ZDHHC11: variants seen among roughly 807,000 people sequenced by gnomAD.
ZDHHC11 encodes zDHHC palmitoyltransferase 11, also known as palmitoyltransferase ZDHHC11.
A neutral mutation model predicts 51.3 loss-of-function variants in ZDHHC11; 44 were observed. The ratio of observed to expected loss-of-function variants is 0.86; its 90% CI spans 0.67 to 1.10. ZDHHC11 has a LOEUF of 1.10. Ranked by LOEUF, ZDHHC11 falls within the 50% of genes least tolerant of loss-of-function variation. ZDHHC11 has a pLI of 0.00. For synonymous variants in ZDHHC11, 163 were observed against 222.0 expected, an observed-to-expected ratio of 0.73 and a Z score of 2.36; for missense variants, 400 against 537.7, an observed-to-expected ratio of 0.74 and a Z score of 2.53.
intron 8 of ZDHHC11, among the ~76,000 whole-genome samples, chr5:822,699 G>A (rs1399900153): frequency 6.6e-6 from 1 of 151,404 alleles, no homozygotes; most frequent in Non-Finnish European, 1.5e-5. Flanking sequence ...TAGAGGCAGG[G>A]TCTTGCTATG....
At chr5:807,528 G>A (rs1739447054) in intron 11 of ZDHHC11, among the ~76,000 whole-genome samples, 1 of 151,402 alleles carries the variant, frequency 6.6e-6, no homozygotes, top group South Asian at 2.1e-4. Flanking sequence ...ACAGATCAAG[G>A]ATGAATCTGT....
At chr5:854,799 G>A (rs1747903960), upstream of ZDHHC11, among the ~76,000 whole-genome samples, 1 of 147,708 alleles carries the variant, frequency 6.8e-6, no homozygotes, top group African/African-American at 2.5e-5. Flanking sequence ...AGTGAGGAGC[G>A]GGGACAGACC....
At position 819,608 on chromosome 5, in the gene ZDHHC11, T is replaced by G; in HGVS notation, c.1063A>C (p.Lys355Gln). 6.2e-7 allele frequency: 1 copy of G among 1,609,132 alleles called. No individual in the cohort carries two copies. Among genetic ancestry groups the G allele is most frequent in the South Asian group, 1.1e-5 (1 of 90,928 alleles). Residue 355 changes from lysine to glutamine, a missense_variant, in exon 10 of 13, where the codon AAG becomes CAG. Coordinates refer to ENST00000283441, the MANE Select transcript of ZDHHC11 (RefSeq NM_024786.3). Reference sequence around the variant, plus strand: ...CAAATCAGCCGGGAGTTCCTGGCCTTGGCTCTGGTGGGGCAAACAGAAGGA... The same window carrying G: ...CAAATCAGCCGGGAGTTCCTGGCCTGGGCTCTGGTGGGGCAAACAGAAGGA... ...EDPCPSALGA[K>Q]ARNSRLICRR... is the part of the protein sequence containing the mutation.
intron 11 of ZDHHC11, among the ~76,000 whole-genome samples, chr5:803,760 G>GA (rs1192074211): frequency 6.7e-6 from 1 of 150,018 alleles, no homozygotes; most frequent in African/African-American, 2.5e-5. Context: ...AATAAAGTAG[G>GA]AAAATTACAT....
intron 4 of ZDHHC11, among the ~76,000 whole-genome samples, chr5:843,125 C>T (rs776888985): frequency 1.6e-3 from 243 of 152,028 alleles, no homozygotes; most frequent in Non-Finnish European, 2.5e-3. Flanking sequence ...CATCGGTTCC[C>T]GAGGCCCAGG....
intron 6 of ZDHHC11, among the ~76,000 whole-genome samples, chr5:835,014 C>A (rs1318466668): frequency 7.2e-5 from 11 of 151,840 alleles, no homozygotes; most frequent in Non-Finnish European, 1.5e-4. Context: ...CAAATATTTT[C>A]AATTTTGGTA....
At chr5:817,247 A>C (rs1477533894) in intron 10 of ZDHHC11, among the ~76,000 whole-genome samples, 1 of 151,550 alleles carries the variant, frequency 6.6e-6, no homozygotes, top group Non-Finnish European at 1.5e-5. Flanking sequence ...CATTTTTGCT[A>C]AAAGCTGTAC....
At chr5:835,317 C>T (rs186985643) in intron 6 of ZDHHC11, among the ~76,000 whole-genome samples, 77 of 151,744 alleles carry the variant, frequency 5.1e-4, no homozygotes, top group African/African-American at 1.7e-3. Flanking sequence ...TAATTTCTCC[C>T]TATTTAATGA....
At chr5:840,744 C>CGGTGTG (rs1331134857) in intron 4 of ZDHHC11, 94 bp from the exon 5 acceptor site, 19 of 1,584,894 alleles carry the variant, frequency 1.2e-5, no homozygotes, top group Non-Finnish European at 1.6e-5. Flanking sequence ...GGGGATGGGG[C>CGGTGTG]GGTGTGGGGA....
intron 12 of ZDHHC11, among the ~76,000 whole-genome samples, chr5:797,755 C>T (rs367982): frequency 6.6e-4 from 100 of 151,594 alleles, no homozygotes; most frequent in Non-Finnish European, 1.1e-3. Flanking sequence ...GTTTCTACTA[C>T]GTTTTCTGCT....
chr5:838,996 A>G (rs1268840443), intron 5 of ZDHHC11, among the ~76,000 whole-genome samples: 9 of 138,250 alleles, frequency 6.5e-5, no homozygotes, highest in African/African-American at 2.6e-4. Context: ...GGATGAGACC[A>G]TGTGGCCTCG....
intron 7 of ZDHHC11, among the ~76,000 whole-genome samples, chr5:828,585 A>C (rs1201161106): frequency 6.6e-6 from 1 of 151,460 alleles, no homozygotes; most frequent in Admixed American, 6.6e-5. Flanking sequence ...ATAGCACTAG[A>C]CAGGTCATCA....
chr5:821,747 G>A lies in ZDHHC11; in HGVS notation c.1058+114C>T, dbSNP rs1289575001. ...GAAAGTGCCACCTCCTGGCACTTCA[G>A]GATATTTGAAGACATTAAATGGATG... On this transcript the variant is annotated intron_variant, in intron 9 of 12. Coordinates refer to ENST00000283441, the MANE Select transcript of ZDHHC11 (RefSeq NM_024786.3). 7.3e-6 allele frequency: 8 copies of A among 1,098,318 alleles called. No individual in the cohort carries two copies. In the Admixed American group the frequency reaches 1.1e-4, roughly 15 times the overall value. 68.0% of individuals were successfully genotyped at this position (1,098,318 alleles called of 1,614,324 possible). A position where few individuals can be genotyped will look rare whatever the true frequency, so the allele number is the denominator to read the frequency against.
chr5:848,918 G>C (rs1474056040), intron 1 of ZDHHC11, among the ~76,000 whole-genome samples: 2 of 131,974 alleles, frequency 1.5e-5, no homozygotes, highest in Admixed American at 7.1e-5. Context: ...GCCCTGCACA[G>C]CCAGCCCTGC....
intron 7 of ZDHHC11, among the ~76,000 whole-genome samples, chr5:829,701 G>C (rs1283770166): frequency 3.3e-5 from 5 of 151,410 alleles, no homozygotes; most frequent in Non-Finnish European, 7.4e-5. Context: ...GAAAACTACA[G>C]ACTAATATCC....
At chr5:831,213 A>T (rs1252782053) in intron 7 of ZDHHC11, among the ~76,000 whole-genome samples, 2 of 149,720 alleles carry the variant, frequency 1.3e-5, no homozygotes, top group Non-Finnish European at 3.0e-5. Context: ...AAAGGAAGAA[A>T]ATATTAACAA....
Position 827,869 on chromosome 5 carries a change from A to G in ZDHHC11, c.936-2618T>C, listed in dbSNP as rs552687627. Reference sequence around the variant, plus strand: ...GTGAACAAAGGTCTCTGGCTTTCCTAGGCAGAGGACCCAGCGGCCTTCCCC... The same window carrying G: ...GTGAACAAAGGTCTCTGGCTTTCCTGGGCAGAGGACCCAGCGGCCTTCCCC... On this transcript the variant is annotated intron_variant, in intron 7 of 12. Transcript: ENST00000283441. Among the ~76,000 whole-genome samples, 4 of 151,056 alleles carry G rather than the reference A, an allele frequency of 2.6e-5. 1 individual carries two copies. The highest frequency in any genetic ancestry group is 9.8e-5 in the African/African-American group (4 of 40,998).
Position 825,212 on chromosome 5 carries a change from T to C in ZDHHC11, c.975A>G (p.Leu325=), listed in dbSNP as rs1742168989. ...GGTTTACTGAAGTGCAGAAGTGACA[T>C]AAGTGCTTGTGAATCAGCAGGGAGC... is the stretch of plus-strand genomic sequence containing the variant. ...AKSSLLIHKH[L]CHFCTSVNQD... The change falls in exon 8 of 13, where the codon TTA becomes TTG. Residue 325 remains leucine, a synonymous_variant. Coordinates refer to ENST00000283441, the MANE Select transcript of ZDHHC11 (RefSeq NM_024786.3). The C allele has an allele frequency of 6.2e-7, 1 of 1,612,420 alleles. No individual in the cohort carries two copies. Among genetic ancestry groups the C allele is most frequent in the African/African-American group, 1.3e-5 (1 of 74,794 alleles).
chr5:815,823 C>G (rs1175773723), intron 10 of ZDHHC11, among the ~76,000 whole-genome samples: 1 of 151,530 alleles, frequency 6.6e-6, no homozygotes, highest in African/African-American at 2.4e-5. Flanking sequence ...CCAGGCTGGT[C>G]TCAAACTCCT....
Sources: gnomAD v4.1 joint callset for allele counts (sites outside exome capture counted in the v4.1 genomes callset) on GRCh38, gnomAD v4.1.1 for gene constraint, MANE v1.5 for transcripts, NCBI Gene and HGNC (gene_info 2026-07-23, HGNC 2026-07-21) for gene names.